PRKCA: variants seen among roughly 807,000 people sequenced by gnomAD.
PRKCA encodes the protein protein kinase C alpha type.
PRKCA carries 27 observed loss-of-function variants against 87.0 expected under a neutral mutation model. That is an observed-to-expected ratio of 0.31 (90% CI 0.23 to 0.43). The LOEUF is 0.43. PRKCA is among the 20% of genes least tolerant of loss of function. PRKCA has a pLI of 1.00. For synonymous variants in PRKCA, 329 were observed against 311.1 expected (o/e 1.06, Z -0.61); for missense variants, 518 against 852.3 (o/e 0.61, Z 4.88).
At chr17:66,357,092 C>T (rs116119526) in intron 2 of PRKCA, among the ~76,000 whole-genome samples, 9 of 152,280 alleles carry the variant, frequency 5.9e-5, no homozygotes, top group African/African-American at 2.2e-4. Flanking sequence ...GAAATCTTGT[C>T]TTTTGCAAAG....
intron 14 of PRKCA, among the ~76,000 whole-genome samples, chr17:66,779,354 T>C (rs1374572145): frequency 1.4e-4 from 21 of 151,988 alleles, no homozygotes; most frequent in Admixed American, 1.4e-3. Flanking sequence ...ATACAATCAC[T>C]TTTGGGGCAT....
intron 2 of PRKCA, among the ~76,000 whole-genome samples, chr17:66,396,844 T>C (rs1392499076): frequency 6.6e-6 from 1 of 151,870 alleles, no homozygotes; most frequent in Non-Finnish European, 1.5e-5. Context: ...TTTTTATTTT[T>C]CATTATTATA....
At chr17:66,463,209 AATG>A (rs1914934232) in intron 2 of PRKCA, among the ~76,000 whole-genome samples, 1 of 152,046 alleles carries the variant, frequency 6.6e-6, no homozygotes, top group Non-Finnish European at 1.5e-5. Flanking sequence ...CGCCCTGTAT[AATG>A]TGCAGTTTTT....
At position 66,306,057 on chromosome 17, in the gene PRKCA, A is replaced by T. The variant is rs779810497; in HGVS notation, c.174-39A>T. The T allele has an allele frequency of 3.7e-6, 6 of 1,603,330 alleles. No homozygotes were observed. The East Asian group carries it at 8.9e-5, about 24-fold the overall frequency. ...GTTTAAAATATGCTATCCAACAGAA[A>T]ATATGTTAAGATATTTTGTTCTTGT... On this transcript the variant is annotated intron_variant, in intron 1 of 16. Transcript: ENST00000413366.
chr17:66,566,613 A>G (rs1202057069), intron 3 of PRKCA, among the ~76,000 whole-genome samples: 1 of 151,704 alleles, frequency 6.6e-6, no homozygotes, highest in Non-Finnish European at 1.5e-5. Flanking sequence ...GGAAAAGGTA[A>G]CCTACTAAGT....
At chr17:66,454,971 G>A (rs1267315204) in intron 2 of PRKCA, among the ~76,000 whole-genome samples, 3 of 152,244 alleles carry the variant, frequency 2.0e-5, no homozygotes, top group Admixed American at 6.5e-5. Flanking sequence ...GGAAGGGCCG[G>A]CAGATGGCGG....
intron 3 of PRKCA, among the ~76,000 whole-genome samples, chr17:66,590,517 G>A (rs1406553018): frequency 3.3e-5 from 5 of 152,134 alleles, no homozygotes; most frequent in African/African-American, 9.7e-5. Flanking sequence ...GAGCGTGCAC[G>A]AGGGCGTCTG....
intron 3 of PRKCA, among the ~76,000 whole-genome samples, chr17:66,526,214 A>T (rs148765293): frequency 8.8e-4 from 134 of 152,346 alleles, no homozygotes; most frequent in Middle Eastern, 3.4e-3. Context: ...TCCGAAAATT[A>T]TTATAGGAGA....
chr17:66,500,901 G>A (rs1297749010), intron 3 of PRKCA, among the ~76,000 whole-genome samples: 1 of 151,448 alleles, frequency 6.6e-6, no homozygotes, highest in Non-Finnish European at 1.5e-5. Context: ...CAGAATTTAA[G>A]AGAAAAAAAA....
intron 16 of PRKCA, 99 bp downstream of exon 16, chr17:66,789,078 C>A: frequency 6.9e-7 from 1 of 1,447,608 alleles, no homozygotes. Flanking sequence ...GCCGGTGCCC[C>A]TGGCTTGTAC....
At chr17:66,742,301 A>T (rs1974173907) in intron 12 of PRKCA, among the ~76,000 whole-genome samples, 1 of 152,216 alleles carries the variant, frequency 6.6e-6, no homozygotes, top group East Asian at 1.9e-4. Context: ...GTGGGACATG[A>T]ATAAATCAAA....
chr17:66,748,520 G>A (rs559387351), intron 13 of PRKCA, among the ~76,000 whole-genome samples: 153 of 152,296 alleles, frequency 1.0e-3, no homozygotes, highest in African/African-American at 3.6e-3. Flanking sequence ...CCCAAGGAGG[G>A]CAAATGTTCA....
chr17:66,463,986 A>G (rs34055910), intron 2 of PRKCA, among the ~76,000 whole-genome samples: 66,105 of 151,976 alleles, frequency 0.43, 14,776 homozygotes, highest in African/African-American at 0.52. Context: ...GTATCATGCA[A>G]GGTATATTTT....
At chr17:66,619,408 A>G (rs575399864) in intron 3 of PRKCA, among the ~76,000 whole-genome samples, 92 of 152,306 alleles carry the variant, frequency 6.0e-4, no homozygotes, top group African/African-American at 1.9e-3. Flanking sequence ...ACTTCTAAAC[A>G]TGAGAGCAAC....
chr17:66,322,507 G>A (rs1426627061), intron 2 of PRKCA, among the ~76,000 whole-genome samples: 2 of 151,998 alleles, frequency 1.3e-5, no homozygotes, highest in Admixed American at 1.3e-4. Flanking sequence ...CTGTCATCCA[G>A]GCTAGAGTGC....
intron 2 of PRKCA, among the ~76,000 whole-genome samples, chr17:66,381,735 C>G (rs1909784578): frequency 6.6e-6 from 1 of 152,138 alleles, no homozygotes; most frequent in South Asian, 2.1e-4. Context: ...AATTTTACTG[C>G]CCTGCTTGCT....
At chr17:66,498,051 G>C (rs553216384) in intron 3 of PRKCA, among the ~76,000 whole-genome samples, 1 of 152,072 alleles carries the variant, frequency 6.6e-6, no homozygotes, top group Admixed American at 6.5e-5. Flanking sequence ...TCATGGACAA[G>C]GAAGCCCAAG....
chr17:66,693,822 T>C (rs73328302), intron 8 of PRKCA, among the ~76,000 whole-genome samples: 20,815 of 152,172 alleles, frequency 0.14, 1,743 homozygotes, highest in East Asian at 0.28. Context: ...CAAATGAGTG[T>C]TGGTGTATTC....
At chr17:66,704,352 A>G (rs1425441239) in intron 8 of PRKCA, among the ~76,000 whole-genome samples, 1 of 152,206 alleles carries the variant, frequency 6.6e-6, no homozygotes, top group African/African-American at 2.4e-5. Context: ...TTATAGCTTT[A>G]GAGTTGTTAG....
Sources: gnomAD v4.1 joint callset for allele counts (sites outside exome capture counted in the v4.1 genomes callset) on GRCh38, gnomAD v4.1.1 for gene constraint, MANE v1.5 for transcripts, NCBI Gene and HGNC (gene_info 2026-07-23, HGNC 2026-07-21) for gene names.